The following NLRC3 variants were observed in gnomAD, a reference collection of about 807,000 sequenced individuals.
NLRC3 encodes NLR family CARD domain-containing protein 3.
A neutral mutation model predicts 91.6 loss-of-function variants in NLRC3; 87 were observed. That is an observed-to-expected ratio of 0.95 (90% CI 0.80 to 1.14). NLRC3 has a LOEUF of 1.14. Ranked by LOEUF, NLRC3 falls within the 50% of genes most tolerant of loss-of-function variation. The pLI is 0.00. For missense variants in NLRC3, 1,577 were observed against 1,418.6 expected (o/e 1.11, Z -1.79); for synonymous variants, 694 against 625.3 (o/e 1.11, Z -1.64).
chr16:3,569,397 A>ATATATATTTTTTTTTTT (rs2040013749), intron 1 of NLRC3, among the ~76,000 whole-genome samples: 1 of 41,046 alleles, frequency 2.4e-5, no homozygotes, highest in African/African-American at 1.2e-4. Flanking sequence ...TATATATATT[A>ATATATATTTTTTTTTTT]TTTTTTTTTT....
chr16:3,561,526 G>C (rs1416266817), intron 6 of NLRC3, among the ~76,000 whole-genome samples, 176 bp downstream of exon 6: 1 of 152,190 alleles, frequency 6.6e-6, no homozygotes, highest in Non-Finnish European at 1.5e-5. Flanking sequence ...AGGCACCTGA[G>C]CCTCTAGCAC....
chr16:3,551,906 CATCCATCT>C (rs2039029477), intron 10 of NLRC3, among the ~76,000 whole-genome samples: 1 of 151,814 alleles, frequency 6.6e-6, no homozygotes, highest in African/African-American at 2.4e-5. Flanking sequence ...TTTAACCATC[CATCCATCT>C]ATCCACTCAT....
chr16:3,554,744 G>A (rs1015467187), intron 8 of NLRC3, among the ~76,000 whole-genome samples: 30 of 152,146 alleles, frequency 2.0e-4, no homozygotes, highest in African/African-American at 7.0e-4. Flanking sequence ...TTGACCATGT[G>A]ACCCAGCAAT....
chr16:3,560,355 G>A (rs1002112366), intron 6 of NLRC3, among the ~76,000 whole-genome samples: 33 of 152,118 alleles, frequency 2.2e-4, no homozygotes, highest in Admixed American at 3.9e-4. Context: ...CCCGGGAGGC[G>A]GAGTCTGCAG....
Position 3,557,606 on chromosome 16 carries a change from G to C in NLRC3, c.2086C>G (p.Leu696Val). The C allele has an allele frequency of 6.2e-7, 1 of 1,611,802 alleles. No homozygotes were observed. The highest frequency in any genetic ancestry group is 8.5e-7 in the Non-Finnish European group (1 of 1,178,028). ...GTCCTTACTTACTCCAGAGAGGTCA[G>C]ACTTCTGTTGACCAAGAGGGATCTG... The part of the protein sequence containing the change: ...LARSLLVNRS[L>V]TSLDLRGNSI... The change falls in exon 7 of 20, where the codon CTG becomes GTG. Residue 696 changes from leucine to valine, a missense_variant. Leu to Val is a conservative substitution (Grantham distance 32). Coordinates refer to ENST00000359128, the MANE Select transcript of NLRC3 (RefSeq NM_178844.4).
Position 3,563,956 on chromosome 16 carries a change from G to C in NLRC3, c.981C>G (p.Thr327=). 6.3e-7 allele frequency: 1 copy of C among 1,599,672 alleles called. No homozygotes were observed. The highest frequency in any genetic ancestry group is 8.5e-7 in the Non-Finnish European group (1 of 1,175,570). ...QADRALYLMC[T]VPAFCRLTGM... Reference sequence around the variant, plus strand: ...CCGTGAGCCTGCAGAAGGCTGGGACGGTGCACATCAGGTACAGGGCCCTGT... The same window carrying C: ...CCGTGAGCCTGCAGAAGGCTGGGACCGTGCACATCAGGTACAGGGCCCTGT... The change falls in exon 5 of 20, where the codon ACC becomes ACG. Residue 327 remains threonine (T), a synonymous_variant. Transcript: ENST00000359128.
Position 3,543,438 on chromosome 16 carries a change from A to G in NLRC3, c.2926T>C (p.Leu976=). Residue 976 remains leucine, a synonymous_variant, in exon 17 of 20, where the codon TTG becomes CTG. Coordinates refer to ENST00000359128, the MANE Select transcript of NLRC3 (RefSeq NM_178844.4). ...TGGAATACTTACTCGAGAATCTCCAAGGTTCTGTTCACAGCCAAGGCTTCC... is the reference window on the plus strand; with the variant it reads ...TGGAATACTTACTCGAGAATCTCCAGGGTTCTGTTCACAGCCAAGGCTTCC... ...LGEALAVNRT[L]EILDLRGNAI... 1 of 1,611,584 alleles carries G rather than the reference A, an allele frequency of 6.2e-7. No homozygotes were observed. The highest frequency in any genetic ancestry group is 1.1e-5 in the South Asian group (1 of 90,674).
intron 5 of NLRC3, among the ~76,000 whole-genome samples, chr16:3,562,719 C>G (rs903194395): frequency 4.6e-5 from 7 of 152,014 alleles, no homozygotes; most frequent in Non-Finnish European, 1.0e-4. Context: ...ACTGAAGTAA[C>G]GCAGCCTTAA....
intron 8 of NLRC3, 100 bp from the exon 9 acceptor site, chr16:3,554,425 TTCTGACCACTAC>T: frequency 2.4e-6 from 2 of 817,328 alleles, no homozygotes; most frequent in Non-Finnish European, 4.1e-6. Context: ...GAGCAAGGGG[TTCTGACCACTAC>T]GTGCCCTCAC....
chr16:3,556,850 G>T, intron 8 of NLRC3, 61 bp downstream of exon 8: 1 of 1,162,768 alleles, frequency 8.6e-7, no homozygotes, highest in Non-Finnish European at 1.3e-6. Flanking sequence ...GGTGGTGCCT[G>T]AGGAGAGGGT....
chr16:3,548,694 T>A lies in NLRC3; in HGVS notation c.2663A>T (p.Glu888Val). Residue 888 changes from glutamate to valine, a missense_variant, in exon 14 of 20, where the codon GAA (glutamate) becomes GTA (valine). Coordinates refer to ENST00000359128, the MANE Select transcript of NLRC3 (RefSeq NM_178844.4). ...CTGAAGGGAGGTGAGGGTGCGGTTT[T>A]CTCTCACTGCCACTGCGATGGCCCG... ...GARAIAVAVRENRTLTSLHLQ... is the reference protein window; with the variant it reads ...GARAIAVAVRVNRTLTSLHLQ... 5.0e-6 allele frequency: 8 copies of A among 1,597,576 alleles called. No homozygotes were observed. The highest frequency in any genetic ancestry group is 6.8e-6 in the Non-Finnish European group (8 of 1,172,372).
chr16:3,542,149 G>T, intron 19 of NLRC3, 42 bp downstream of exon 19: 10 of 1,381,974 alleles, frequency 7.2e-6, no homozygotes, highest in Non-Finnish European at 1.0e-5. Context: ...GCGCCACCTG[G>T]AAGCAGTTCT....
At position 3,563,239 on chromosome 16, in the gene NLRC3, G is replaced by C; in HGVS notation, c.1698C>G (p.Asn566Lys). 1 of 1,605,886 alleles carries C rather than the reference G, an allele frequency of 6.2e-7. No homozygotes were observed. Among genetic ancestry groups the C allele is most frequent in the African/African-American group, 1.3e-5 (1 of 75,006 alleles). ...PDAAVCARAI[N>K]VLHCLHELQH... Reference sequence around the variant, plus strand: ...GCAGCTCATGCAGGCAGTGCAACACGTTGATGGCCCGTGCACAGACTGCGG... The same window carrying C: ...GCAGCTCATGCAGGCAGTGCAACACCTTGATGGCCCGTGCACAGACTGCGG... Residue 566 changes from asparagine (N) to lysine (K), a missense_variant, in exon 5 of 20, where the codon AAC becomes AAG. Asn to Lys is a moderately conservative substitution (Grantham distance 94). Coordinates refer to ENST00000359128, the MANE Select transcript of NLRC3 (RefSeq NM_178844.4).
In NLRC3 at chr16:3,564,496, G is replaced by A. The variant is rs566895156; in HGVS notation, c.441C>T (p.Ala147=). 1.6e-5 allele frequency: 25 copies of A among 1,612,452 alleles called. No homozygotes were observed. Among genetic ancestry groups the A allele is most frequent in the South Asian group, 1.1e-4 (10 of 91,070 alleles). The change falls in exon 5 of 20, where the codon GCC becomes GCT. Residue 147 remains alanine, a synonymous_variant. Transcript: ENST00000359128. This position sits in a 1 kb window ranked among gnomAD's most constrained non-coding sequence, Gnocchi z 5.9. Reference sequence around the variant, plus strand: ...TCACCAGGGTGGTCTTGCCCATGCCGGCCACCCCGATAGTGATGGAGACCC... The same window carrying A: ...TCACCAGGGTGGTCTTGCCCATGCCAGCCACCCCGATAGTGATGGAGACCC... ...PPRVSITIGV[A]GMGKTTLVRH...
chr16:3,541,627 C>T lies in NLRC3; in HGVS notation c.*198G>A. 2 of 593,768 alleles carry T rather than the reference C, an allele frequency of 3.4e-6. No homozygotes were observed. Among genetic ancestry groups the T allele is most frequent in the Non-Finnish European group, 6.0e-6 (2 of 333,718 alleles). The allele number at this position is 593,768 out of a possible 1,614,324, so 36.8% of individuals were successfully genotyped here. ...GCCATAACAGAGTACCCGTCACCCC[C>T]TGCCTGGACCACTCCTGCAGCAGAA... On this transcript the variant is annotated 3_prime_UTR_variant, in exon 20 of 20. Transcript: ENST00000359128.
At chr16:3,562,734 A>G (rs558503486) in intron 5 of NLRC3, among the ~76,000 whole-genome samples, 30 of 152,316 alleles carry the variant, frequency 2.0e-4, no homozygotes, top group African/African-American at 6.3e-4. Flanking sequence ...CCTTAAGCCA[A>G]GGGTTCCCAT....
intron 7 of NLRC3, 102 bp downstream of exon 7, chr16:3,557,491 T>A: frequency 2.9e-6 from 2 of 694,524 alleles, no homozygotes; most frequent in Non-Finnish European, 5.2e-6. Context: ...AACAGACAGG[T>A]AAGACCCAAG....
At chr16:3,565,193 G>T in intron 3 of NLRC3, 126 bp downstream of exon 3, 1 of 733,874 alleles carries the variant, frequency 1.4e-6, no homozygotes, top group Non-Finnish European at 2.4e-6. Context: ...TGGCCCACTG[G>T]CCTGGCCTCT....
chr16:3,575,281 C>A (rs878863526), intron 1 of NLRC3, among the ~76,000 whole-genome samples: 2 of 152,166 alleles, frequency 1.3e-5, no homozygotes, highest in African/African-American at 4.8e-5. Flanking sequence ...TACCTGGCTG[C>A]CACCGCTGCC....
Sources: allele counts gnomAD v4.1 joint callset (sites outside exome capture counted in the v4.1 genomes callset), GRCh38; gene constraint gnomAD v4.1.1; non-coding constraint Gnocchi (gnomAD v3.1); transcripts MANE v1.5; gene names NCBI Gene and HGNC (gene_info 2026-07-23, HGNC 2026-07-21).